The following PLXNB3 variants were observed in gnomAD, a reference collection of about 807,000 sequenced individuals.
The protein encoded by PLXNB3 is plexin-B3.
In PLXNB3, 80 loss-of-function variants were observed where a neutral mutation model predicts 125.7. The ratio of observed to expected loss-of-function variants is 0.64; its 90% CI spans 0.53 to 0.77. The LOEUF is 0.77. PLXNB3 is among the 30% of genes least tolerant of loss of function. The pLI is 0.00. For synonymous variants in PLXNB3, 954 were observed against 783.3 expected, an observed-to-expected ratio of 1.22 and a Z score of -3.64; for missense variants, 1,836 against 1,729.3, an observed-to-expected ratio of 1.06 and a Z score of -1.09.
At chrX:153,765,012 G>A (rs2091841407) in intron 1 of PLXNB3, among the ~76,000 whole-genome samples, 1 of 113,294 alleles carries the variant, frequency 8.8e-6, no homozygotes, top group Non-Finnish European at 1.9e-5. Context: ...GGCCAGGACT[G>A]GCACTTCACC....
At chrX:153,778,240 C>G in intron 32 of PLXNB3, 21 bp from the exon 33 acceptor site, 1 of 1,199,055 alleles carries the variant, frequency 8.3e-7, no homozygotes, top group Non-Finnish European at 1.1e-6. Context: ...ATGCCTAGCG[C>G]CTCCCCTCCC....
At chrX:153,769,507 C>A (rs1478273312) in intron 6 of PLXNB3, among the ~76,000 whole-genome samples, 1 of 112,670 alleles carries the variant, frequency 8.9e-6, no homozygotes, top group East Asian at 2.8e-4. Flanking sequence ...GGTCCAGAAC[C>A]CCACACAGCT....
At chrX:153,770,473 G>A (rs782288046) in intron 9 of PLXNB3, 27 bp downstream of exon 9, 1 of 1,200,576 alleles carries the variant, frequency 8.3e-7, no homozygotes, top group East Asian at 3.0e-5. Flanking sequence ...GCCTCCTGGG[G>A]TAGGGGTGGC....
chrX:153,771,377 G>A lies in PLXNB3; in HGVS notation c.2321G>A (p.Arg774Lys). The A allele has an allele frequency of 2.5e-6, 3 of 1,210,244 alleles. No homozygotes were observed. The highest frequency in any genetic ancestry group is 3.4e-6 in the Non-Finnish European group (3 of 894,326). The part of the protein sequence containing the change: ...PIYVTQGEAQ[R>K]LDNTHALYVI... The stretch of plus-strand genomic sequence containing the variant: ...TACGTCACCCAGGGTGAAGCCCAGA[G>A]GCTGGACAACACCCATGCTCTTTAT... Residue 774 changes from arginine (R) to lysine (K), a missense_variant, in exon 13 of 36, where the codon AGG becomes AAG. By Grantham distance (26) the Arg-to-Lys change is conservative. Transcript: ENST00000361971.
rs1557060950 is a variant in PLXNB3, at chrX:153,769,903, G to C, written c.1593G>C (p.Leu531=). The part of the protein sequence containing the change: ...EDSHCLHIQS[L]LPGHHPRQEQ... ...GCCACTGCCTGCACATCCAGAGCCTGCTGCCGGGCCACCACCCCCGCCAGG... is the reference window on the plus strand; with the variant it reads ...GCCACTGCCTGCACATCCAGAGCCTCCTGCCGGGCCACCACCCCCGCCAGG... The change falls in exon 7 of 36, where the codon CTG becomes CTC. Residue 531 remains leucine (L), a synonymous_variant. Transcript: ENST00000361971. 8.3e-7 allele frequency: 1 copy of C among 1,207,479 alleles called. No individual in the cohort carries two copies. The highest frequency in any genetic ancestry group is 1.7e-5 in the African/African-American group (1 of 57,359).
At position 153,775,324 on chromosome X, in the gene PLXNB3, C is replaced by A. The variant is rs1305076624; in HGVS notation, c.4255C>A (p.Leu1419Met). ...SLALHGKLEYLTDIMRTLLGD... is the reference protein window; with the variant it reads ...SLALHGKLEYMTDIMRTLLGD... Reference sequence around the variant, plus strand: ...AGCGCTACACGGCAAGCTGGAGTACCTGACGGACATCATGAGGACCCTGCT... The same window carrying A: ...AGCGCTACACGGCAAGCTGGAGTACATGACGGACATCATGAGGACCCTGCT... Residue 1419 changes from leucine (L) to methionine (M), a missense_variant, in exon 25 of 36, where the codon CTG becomes ATG. Leu to Met is a conservative substitution (Grantham distance 15). Coordinates refer to ENST00000361971, the MANE Select transcript of PLXNB3 (RefSeq NM_005393.3). 1.7e-6 allele frequency: 2 copies of A among 1,210,681 alleles called. No individual in the cohort carries two copies. The highest frequency in any genetic ancestry group is 2.2e-6 in the Non-Finnish European group (2 of 895,135).
chrX:153,765,721 G>T (rs1557058934), intron 2 of PLXNB3, 141 bp downstream of exon 2: 7 of 1,136,710 alleles, frequency 6.2e-6, no homozygotes, highest in Non-Finnish European at 8.2e-6. Context: ...GGGTCCGCAG[G>T]AAGTGTCCGT....
chrX:153,772,644 G>A, intron 16 of PLXNB3: 6 of 957,357 alleles, frequency 6.3e-6, no homozygotes, highest in Non-Finnish European at 8.0e-6. Flanking sequence ...TGTCCCAAGG[G>A]GGACAGAGTG....
rs782667292 is a variant in PLXNB3 at position 153,767,040 on chromosome X, G to C, written c.213G>C (p.Val71=). 125 of 1,209,571 alleles carry C rather than the reference G, an allele frequency of 1.0e-4. No homozygotes were observed. The highest frequency in any genetic ancestry group is 1.1e-4 in the Non-Finnish European group (99 of 895,278). The change falls in exon 3 of 36, where the codon GTG becomes GTC. Residue 71 remains valine, a synonymous_variant. Coordinates refer to ENST00000361971, the MANE Select transcript of PLXNB3 (RefSeq NM_005393.3). Reference sequence around the variant, plus strand: ...GAGGCACACTCTATGTCGGCGCAGTGAACCGCCTCTTCCAGCTCAGCCCCG... The same window carrying C: ...GAGGCACACTCTATGTCGGCGCAGTCAACCGCCTCTTCCAGCTCAGCCCCG... The part of the protein sequence containing the change: ...PGRGTLYVGA[V]NRLFQLSPEL...
At chrX:153,764,581 G>C (rs930343646) in intron 1 of PLXNB3, among the ~76,000 whole-genome samples, 1 of 112,969 alleles carries the variant, frequency 8.9e-6, no homozygotes, top group Non-Finnish European at 1.9e-5. Flanking sequence ...TGCCCGCCTG[G>C]CTCCCCACCC....
At chrX:153,766,623 G>A (rs888314047) in intron 2 of PLXNB3, 71 of 1,055,141 alleles carry the variant, frequency 6.7e-5, no homozygotes, top group South Asian at 1.1e-4. Context: ...GTGCTTGTGC[G>A]TGCGTGCATG....
intron 14 of PLXNB3, 71 bp downstream of exon 14, chrX:153,771,726 G>T: frequency 8.9e-7 from 1 of 1,125,797 alleles, no homozygotes; most frequent in Non-Finnish European, 1.2e-6. Context: ...TGTCCTCCGT[G>T]ATCAGACCAG....
chrX:153,772,129 G>A (rs111682973), intron 15 of PLXNB3, 53 bp from the exon 16 acceptor site: 120 of 1,095,409 alleles, frequency 1.1e-4, no homozygotes, highest in Non-Finnish European at 1.3e-4. Flanking sequence ...GGAGGGGTGG[G>A]CTGTCCCCTC....
intron 2 of PLXNB3, chrX:153,766,559 C>A (rs1557059263): frequency 4.8e-6 from 5 of 1,045,698 alleles, no homozygotes; most frequent in Non-Finnish European, 1.2e-6. Flanking sequence ...GACCTGCCCC[C>A]CTTCAACAAT....
intron 6 of PLXNB3, 35 bp from the exon 7 acceptor site, chrX:153,769,772 C>T (rs782780032): frequency 5.1e-6 from 6 of 1,186,184 alleles, no homozygotes; most frequent in Non-Finnish European, 5.7e-6. Flanking sequence ...GAGTCTAGGA[C>T]CCCCACGGTG....
intron 1 of PLXNB3, among the ~76,000 whole-genome samples, chrX:153,764,684 A>G (rs944435837): frequency 8.9e-6 from 1 of 112,002 alleles, no homozygotes; most frequent in African/African-American, 3.2e-5. Context: ...GGAGGCAGAG[A>G]CCCCATCCCC....
At chrX:153,776,841 C>T (rs927865002) in intron 28 of PLXNB3, 46 bp from the exon 29 acceptor site, 8 of 908,971 alleles carry the variant, frequency 8.8e-6, no homozygotes, top group African/African-American at 2.0e-5. Flanking sequence ...GCGGTGTAGG[C>T]GCCTGGCTAG....
Position 153,768,018 on chromosome X carries a change from AG to A in PLXNB3, c.1086+109del, listed in dbSNP as rs782623676. 1.2e-4 allele frequency: 104 copies of A among 900,062 alleles called. No homozygotes were observed. The African/African-American group carries it at 2.1e-3, about 18-fold the overall frequency. The allele number at this position is 900,062 out of a possible 1,213,427, so 74.2% of individuals were successfully genotyped here. A position where few individuals can be genotyped will look rare whatever the true frequency, so the allele number is the denominator to read the frequency against. Reference sequence around the variant, plus strand: ...GGAAGTGCCAGCCAACCTCTCAGCCAGGGGTCAGCTGAGTCTCCAGGTCTCC... The same window carrying A: ...GGAAGTGCCAGCCAACCTCTCAGCCAGGGTCAGCTGAGTCTCCAGGTCTCC... On this transcript the variant is annotated intron_variant, in intron 3 of 35. Transcript: ENST00000361971.
intron 3 of PLXNB3, 57 bp downstream of exon 3, chrX:153,767,970 C>T (rs1285503694): frequency 9.5e-7 from 1 of 1,054,545 alleles, no homozygotes; most frequent in Non-Finnish European, 1.2e-6. Context: ...TCTTTCAGCA[C>T]TGGACAGGGG....
Sources: allele counts gnomAD v4.1 joint callset (sites outside exome capture counted in the v4.1 genomes callset), GRCh38; gene constraint gnomAD v4.1.1; transcripts MANE v1.5; gene names NCBI Gene and HGNC (gene_info 2026-07-23, HGNC 2026-07-21).